Variants in KHK observed in about 807,000 individuals in gnomAD.
KHK encodes ketohexokinase.
A neutral mutation model predicts 36.0 loss-of-function variants in KHK; 37 were observed. The observed-to-expected ratio is 1.03, with a 90% CI of 0.79 to 1.35. KHK has a LOEUF of 1.35. Ranked by LOEUF, KHK falls within the 40% of genes most tolerant of loss-of-function variation. The probability of loss-of-function intolerance (pLI) is 0.00; values close to 1 mark genes in which losing one functional copy is unlikely to be tolerated. For synonymous variants in KHK, 161 were observed against 162.8 expected (o/e 0.99, Z 0.08); for missense variants, 395 against 391.9 (o/e 1.01, Z -0.07).
At chr2:27,096,535 A>G (rs1362078984) in intron 3 of KHK, among the ~76,000 whole-genome samples, 194 bp from the exon 4 acceptor site, 2 of 152,150 alleles carry the variant, frequency 1.3e-5, no homozygotes, top group Non-Finnish European at 2.9e-5. Context: ...CCTCAAACTC[A>G]GGAAAGGGCA....
Position 27,099,867 on chromosome 2 carries a change from G to A in KHK, c.*117G>A, listed in dbSNP as rs1290432110. On this transcript the variant is annotated 3_prime_UTR_variant, in exon 8 of 8. Coordinates refer to ENST00000260598, the MANE Select transcript of KHK (RefSeq NM_006488.3). ...TGTTCAGGGGACAGATGCAAGCTGTGGGGAGGACTCTGCCTGTGTCCTGTG... is the reference window on the plus strand; with the variant it reads ...TGTTCAGGGGACAGATGCAAGCTGTAGGGAGGACTCTGCCTGTGTCCTGTG... 6.4e-7 allele frequency: 1 copy of A among 1,550,728 alleles called. No individual in the cohort carries two copies. The highest frequency in any genetic ancestry group is 1.4e-5 in the African/African-American group (1 of 73,142).
chr2:27,098,769 C>T (rs887696054), intron 5 of KHK: 8 of 195,510 alleles, frequency 4.1e-5, no homozygotes, highest in East Asian at 2.4e-4. Flanking sequence ...GCCAGCATGG[C>T]GGTGGTAGAT....
rs577933898 is a variant in KHK at position 27,099,708 on chromosome 2, C to G, written c.855C>G (p.Ala285=). The G allele has an allele frequency of 1.2e-6, 2 of 1,613,988 alleles. No individual in the cohort carries two copies. The highest frequency in any genetic ancestry group is 1.7e-6 in the Non-Finnish European group (2 of 1,180,020). ...CACTGAGATTCGGGTGCCAGGTGGCCGGCAAGAAGTGTGGCCTGCAGGGCT... is the reference window on the plus strand; with the variant it reads ...CACTGAGATTCGGGTGCCAGGTGGCGGGCAAGAAGTGTGGCCTGCAGGGCT... ...QEALRFGCQV[A]GKKCGLQGFD... The change falls in exon 8 of 8, where the codon GCC becomes GCG. Residue 285 remains alanine, a synonymous_variant. Coordinates refer to ENST00000260598, the MANE Select transcript of KHK (RefSeq NM_006488.3).
At chr2:27,098,830 T>G in intron 5 of KHK, 1 of 247,302 alleles carries the variant, frequency 4.0e-6, no homozygotes, top group Non-Finnish European at 8.2e-6. Context: ...AATCCATTGA[T>G]CAGAGAACAA....
rs1049907312 is a variant in KHK, at chr2:27,087,272, C to G, written c.13C>G (p.Gln5Glu). Residue 5 changes from glutamine to glutamate, a missense_variant, in exon 1 of 8, where the codon CAG becomes GAG. Physicochemically the swap from Gln to Glu is conservative, Grantham distance 29. Transcript: ENST00000260598. ...TGGGAGTAGCCTCATGGAAGAGAAG[C>G]AGATCCTGTGCGTGGGGCTAGTGGT... MEEK[Q>E]ILCVGLVVLD... 2 of 1,594,846 alleles carry G rather than the reference C, an allele frequency of 1.3e-6. No homozygotes were observed. Among genetic ancestry groups the G allele is most frequent in the Non-Finnish European group, 1.7e-6 (2 of 1,170,206 alleles).
chr2:27,099,417 C>A lies in KHK; in HGVS notation c.654-3C>A. 1 of 1,613,704 alleles carries A rather than the reference C, an allele frequency of 6.2e-7. No homozygotes were observed. Among genetic ancestry groups the A allele is most frequent in the Non-Finnish European group, 8.5e-7 (1 of 1,179,706 alleles). Reference sequence around the variant, plus strand: ...CACCCAGCTGAGTGGAGCCGTCTTGCAGGGCTGTGCTTGTCTGTGCCTGGG... The same window carrying A: ...CACCCAGCTGAGTGGAGCCGTCTTGAAGGGCTGTGCTTGTCTGTGCCTGGG... On this transcript the variant is annotated splice_region_variant and splice_polypyrimidine_tract_variant and intron_variant, in intron 6 of 7. Coordinates refer to ENST00000260598, the MANE Select transcript of KHK (RefSeq NM_006488.3).
chr2:27,089,105 T>C lies in KHK; in HGVS notation c.92+1754T>C, dbSNP rs181452910. 2.1e-3 allele frequency among the ~76,000 whole-genome samples: 313 copies of C among 152,338 alleles called. 3 individuals are homozygous for C. The highest frequency in any genetic ancestry group is 0.017 in the Middle Eastern group (5 of 294). ...GATAAGGAAGCTGAAGATTTGGAGA[T>C]GTTTTTTAAGGCCACGGAGTTAAAT... On this transcript the variant is annotated intron_variant, in intron 1 of 7. Transcript: ENST00000260598.
chr2:27,100,598 T>A lies in KHK; in HGVS notation c.*848T>A. 8.0e-7 allele frequency: 1 copy of A among 1,255,358 alleles called. No homozygotes were observed. The highest frequency in any genetic ancestry group is 2.3e-5 in the Admixed American group (1 of 42,650). 77.8% of individuals were successfully genotyped at this position (1,255,358 alleles called of 1,614,324 possible). On this transcript the variant is annotated 3_prime_UTR_variant, in exon 8 of 8. Transcript: ENST00000260598. The stretch of plus-strand genomic sequence containing the variant: ...GGCTTTAGAGTGAGACAGACCTGGA[T>A]TAAAATCTGCCATTTAATTAGCTGC...
At position 27,097,980 on chromosome 2, in the gene KHK, C is replaced by G. The variant is rs117686485; in HGVS notation, c.564+331C>G. Among the ~76,000 whole-genome samples, 175 of 152,260 alleles carry G rather than the reference C, an allele frequency of 1.1e-3. 3 individuals carry two copies. Among genetic ancestry groups the G allele is most frequent in the East Asian group, 5.6e-3 (29 of 5,178 alleles). ...CTCTGGGGCTCCCCAGTCTTTTCCT[C>G]TGCAGAATGAGGGCACACAACTGTT... On this transcript the variant is annotated intron_variant, in intron 5 of 7. Coordinates refer to ENST00000260598, the MANE Select transcript of KHK (RefSeq NM_006488.3).
At position 27,099,832 on chromosome 2, in the gene KHK, C is replaced by T. The variant is rs772330032; in HGVS notation, c.*82C>T. Reference sequence around the variant, plus strand: ...TCTCCCCTCCATCCAGCCTGGCGTCCAGGTTGCCCTGTTCAGGGGACAGAT... The same window carrying T: ...TCTCCCCTCCATCCAGCCTGGCGTCTAGGTTGCCCTGTTCAGGGGACAGAT... On this transcript the variant is annotated 3_prime_UTR_variant, in exon 8 of 8. Coordinates refer to ENST00000260598, the MANE Select transcript of KHK (RefSeq NM_006488.3). 7 of 1,563,376 alleles carry T rather than the reference C, an allele frequency of 4.5e-6. No homozygotes were observed. The highest frequency in any genetic ancestry group is 6.1e-6 in the Non-Finnish European group (7 of 1,154,214).
At chr2:27,092,613 C>T (rs1170731024) in intron 2 of KHK, among the ~76,000 whole-genome samples, 165 bp downstream of exon 2, 7 of 152,320 alleles carry the variant, frequency 4.6e-5, no homozygotes, top group Non-Finnish European at 8.8e-5. Context: ...CCTGCCTTGG[C>T]GTGGCCTCTC....
intron 1 of KHK, 134 bp from the exon 2 acceptor site, chr2:27,092,198 G>A (rs1572862172): frequency 2.5e-6 from 2 of 801,512 alleles, no homozygotes; most frequent in Non-Finnish European, 4.4e-6. Flanking sequence ...GCTGCCCCGG[G>A]TACAAAGTGA....
intron 5 of KHK, among the ~76,000 whole-genome samples, chr2:27,098,199 T>G (rs1359254591): frequency 6.6e-6 from 1 of 152,212 alleles, no homozygotes; most frequent in East Asian, 1.9e-4. Context: ...CCTTGTGACT[T>G]GTCCTCAACC....
At chr2:27,093,517 A>G (rs1489429906) in intron 2 of KHK, among the ~76,000 whole-genome samples, 1 of 152,218 alleles carries the variant, frequency 6.6e-6, no homozygotes, top group African/African-American at 2.4e-5. Context: ...TGCGAAAGTT[A>G]TTTGGCAAAC....
intron 2 of KHK, among the ~76,000 whole-genome samples, chr2:27,093,732 C>G (rs1670147406): frequency 6.6e-6 from 1 of 152,218 alleles, no homozygotes; most frequent in Non-Finnish European, 1.5e-5. Context: ...AGAACAATGC[C>G]TGTCCATAGA....
Position 27,097,396 on chromosome 2 carries a change from C to T in KHK, c.418-107C>T. 2.0e-6 allele frequency: 3 copies of T among 1,473,316 alleles called. No homozygotes were observed. The South Asian group carries it at 3.4e-5, about 17-fold the overall frequency. The allele number at this position is 1,473,316 out of a possible 1,614,324, so 91.3% of individuals were successfully genotyped here. A position where few individuals can be genotyped will look rare whatever the true frequency, so the allele number is the denominator to read the frequency against. ...TTAGGATGGGGTTCTAGCCCAGCCTCCCCGAGGCCCTCTCCCTCCTCACCC... is the reference window on the plus strand; with the variant it reads ...TTAGGATGGGGTTCTAGCCCAGCCTTCCCGAGGCCCTCTCCCTCCTCACCC... On this transcript the variant is annotated intron_variant, in intron 4 of 7. Coordinates refer to ENST00000260598, the MANE Select transcript of KHK (RefSeq NM_006488.3).
intron 1 of KHK, among the ~76,000 whole-genome samples, chr2:27,089,287 G>A (rs1343351931): frequency 1.5e-4 from 1 of 6,696 alleles, no homozygotes; most frequent in African/African-American, 2.4e-4. Context: ...CCTTGCCAGG[G>A]GTGCAGGGAC....
In KHK at chr2:27,099,527, T is replaced by C. The variant is rs1294371141; in HGVS notation, c.761T>C (p.Leu254Pro). The change falls in exon 7 of 8, where the codon CTG (leucine) becomes CCG (proline). Residue 254 changes from leucine (L) to proline (P), a missense_variant. By Grantham distance (98) the Leu-to-Pro change is moderately conservative. Coordinates refer to ENST00000260598, the MANE Select transcript of KHK (RefSeq NM_006488.3). ...CCGCCACCCCGCGTGGTGGATACAC[T>C]GGGAGCTGGAGACACCTTCAATGCC... ...AFPPPRVVDT[L>P]GAGDTFNASV... The C allele has an allele frequency of 1.2e-6, 2 of 1,614,040 alleles. No individual in the cohort carries two copies. The highest frequency in any genetic ancestry group is 1.1e-5 in the South Asian group (1 of 91,090).
chr2:27,090,912 G>A (rs551743252), intron 1 of KHK, among the ~76,000 whole-genome samples: 5 of 152,008 alleles, frequency 3.3e-5, no homozygotes, highest in African/African-American at 9.6e-5. Flanking sequence ...TTAAATTAGC[G>A]GGGCATGGTG....
Sources: allele counts gnomAD v4.1 joint callset (sites outside exome capture counted in the v4.1 genomes callset), GRCh38; gene constraint gnomAD v4.1.1; transcripts MANE v1.5; gene names NCBI Gene and HGNC (gene_info 2026-07-23, HGNC 2026-07-21).